Variants in CRELD1 observed in about 807,000 individuals in gnomAD.
CRELD1 encodes protein disulfide isomerase CRELD1.
CRELD1 carries 42 observed loss-of-function variants against 58.2 expected under a neutral mutation model. The observed-to-expected ratio is 0.72, with a 90% CI of 0.56 to 0.93. The LOEUF (loss-of-function observed/expected upper bound fraction) is 0.93. Among genes scored for constraint, CRELD1 ranks in the 40% least tolerant of loss-of-function variants. The probability of loss-of-function intolerance (pLI) is 0.00; values close to 1 mark genes in which losing one functional copy is unlikely to be tolerated. For synonymous variants in CRELD1, 222 were observed against 202.0 expected (o/e 1.10, Z -0.84); for missense variants, 500 against 540.6 (o/e 0.92, Z 0.74).
intron 5 of CRELD1, among the ~76,000 whole-genome samples, chr3:9,940,076 C>CCAGGCGGA (rs2085313714): frequency 6.6e-6 from 1 of 150,608 alleles, no homozygotes; most frequent in South Asian, 2.3e-4. Flanking sequence ...ACAGGGCGGC[C>CCAGGCGGA]GGGCAGAGAC....
intron 10 of CRELD1, chr3:9,944,061 CCAGA>C (rs2085449894): frequency 5.0e-6 from 4 of 802,952 alleles, no homozygotes; most frequent in African/African-American, 1.7e-5. Context: ...GGATCCCAAT[CCAGA>C]CAGTCTGACC....
intron 1 of CRELD1, 42 bp from the exon 2 acceptor site, chr3:9,934,378 C>T: frequency 1.4e-6 from 2 of 1,463,384 alleles, no homozygotes; most frequent in Non-Finnish European, 1.9e-6. Context: ...CGCGTGGGGC[C>T]TGACTCCTTC....
In CRELD1 at chr3:9,941,722, G is replaced by A. The variant is rs188436004; in HGVS notation, c.733+516G>A. ...GGAGAAGGGCATGAACCTGGGAGGC[G>A]GAGCTTGCAGTGAGCCGAGATCGCA... On this transcript the variant is annotated intron_variant, in intron 7 of 10. Transcript: ENST00000452070. Among the ~76,000 whole-genome samples the A allele has an allele frequency of 2.8e-3, 418 of 148,428 alleles. 3 individuals are homozygous for A. Among genetic ancestry groups the A allele is most frequent in the African/African-American group, 9.9e-3 (398 of 40,096 alleles).
intron 3 of CRELD1, among the ~76,000 whole-genome samples, chr3:9,935,320 G>C (rs892283702): frequency 6.6e-6 from 1 of 152,178 alleles, no homozygotes; most frequent in African/African-American, 2.4e-5. Flanking sequence ...AGTGGAGTGA[G>C]CCAAGGGGAG....
At chr3:9,944,184 G>A in intron 10 of CRELD1, 181 bp from the exon 11 acceptor site, 1 of 793,442 alleles carries the variant, frequency 1.3e-6, no homozygotes, top group Non-Finnish European at 2.3e-6. Context: ...TTCCCATTTA[G>A]TGAGACAGGG....
At position 9,942,865 on chromosome 3, in the gene CRELD1, C is replaced by T. The variant is rs773958455; in HGVS notation, c.786C>T (p.Cys262=). The T allele has an allele frequency of 8.1e-6, 13 of 1,614,130 alleles. No homozygotes were observed. Among genetic ancestry groups the T allele is most frequent in the African/African-American group, 1.3e-5 (1 of 75,048 alleles). The stretch of plus-strand genomic sequence containing the variant: ...CCAACTGTGGAGCTGACCAATTCTG[C>T]GTGAACACTGAGGGCTCCTATGAGT... The part of the protein sequence containing the change: ...EGANCGADQF[C]VNTEGSYECR... The change falls in exon 8 of 11, where the codon TGC becomes TGT. Residue 262 remains cysteine, a synonymous_variant. Coordinates refer to ENST00000452070, the MANE Select transcript of CRELD1 (RefSeq NM_001077415.3).
Position 9,938,280 on chromosome 3 carries a change from G to T in CRELD1, c.460+174G>T. On this transcript the variant is annotated intron_variant, in intron 5 of 10. Transcript: ENST00000452070. ...GAGATGGGCAAATCAGTGGGGAAAG[G>T]CTTGGAGAAAGCACAGGGGCTAGAC... The T allele has an allele frequency of 4.6e-6, 3 of 646,582 alleles. No individual in the cohort carries two copies. The South Asian group carries it at 5.1e-5, about 11-fold the overall frequency. 40.1% of individuals were successfully genotyped at this position (646,582 alleles called of 1,614,324 possible). A position where few individuals can be genotyped will look rare whatever the true frequency, so the allele number is the denominator to read the frequency against.
intron 10 of CRELD1, 148 bp from the exon 11 acceptor site, chr3:9,944,213 AGGGT>A: frequency 1.2e-6 from 1 of 807,122 alleles, no homozygotes; most frequent in Non-Finnish European, 2.2e-6. Flanking sequence ...TGCCCCTTGC[AGGGT>A]GGTTTTGAGC....
At position 9,945,181 on chromosome 3, in the gene CRELD1, G is replaced by GAATC. The variant is rs1368941760; in HGVS notation, c.*604_*607dup. The GAATC allele has an allele frequency of 5.8e-6, 1 of 171,888 alleles. No homozygotes were observed. The highest frequency in any genetic ancestry group is 1.3e-5 in the Non-Finnish European group (1 of 78,330). The allele number at this position is 171,888 out of a possible 1,614,324, so 10.6% of individuals were successfully genotyped here. A position where few individuals can be genotyped will look rare whatever the true frequency, so the allele number is the denominator to read the frequency against. On this transcript the variant is annotated 3_prime_UTR_variant, in exon 11 of 11. Transcript: ENST00000452070. ...TGCTGTTAGGAGAAGGAGGATAGAG[G>GAATC]AATCAGCCTTAGGAGGGTTCCATGC...
At chr3:9,939,140 A>T (rs928532653) in intron 5 of CRELD1, among the ~76,000 whole-genome samples, 1 of 144,780 alleles carries the variant, frequency 6.9e-6, no homozygotes, top group Non-Finnish European at 1.5e-5. Flanking sequence ...CCTGTCACTA[A>T]AAATAAATAA....
intron 5 of CRELD1, among the ~76,000 whole-genome samples, chr3:9,939,794 C>G (rs1245492923): frequency 2.0e-5 from 3 of 152,118 alleles, no homozygotes; most frequent in Non-Finnish European, 4.4e-5. Context: ...TCCCCCTTTT[C>G]TATTCCACAA....
At chr3:9,943,297 G>T in intron 9 of CRELD1, 84 bp from the exon 10 acceptor site, 2 of 1,603,548 alleles carry the variant, frequency 1.2e-6, no homozygotes, top group South Asian at 1.1e-5. Context: ...AAGGGCAGAG[G>T]GGAGTGTTGA....
chr3:9,943,359 C>T lies in CRELD1; in HGVS notation c.914-22C>T, dbSNP rs1033251868. On this transcript the variant is annotated intron_variant, in intron 9 of 10. Coordinates refer to ENST00000452070, the MANE Select transcript of CRELD1 (RefSeq NM_001077415.3). Reference sequence around the variant, plus strand: ...CTGGGTGGGGGGCCCTAGCAGGACTCTGACCCCTCCCTCCCCTCAAGATGT... The same window carrying T: ...CTGGGTGGGGGGCCCTAGCAGGACTTTGACCCCTCCCTCCCCTCAAGATGT... 3.1e-6 allele frequency: 5 copies of T among 1,613,720 alleles called. No homozygotes were observed. In the African/African-American group the frequency reaches 6.7e-5, roughly 22 times the overall value.
rs556782557 is a variant in CRELD1 at position 9,940,621 on chromosome 3, C to T, written c.461-229C>T. On this transcript the variant is annotated intron_variant, in intron 5 of 10. Coordinates refer to ENST00000452070, the MANE Select transcript of CRELD1 (RefSeq NM_001077415.3). ...GCAGTGAGCCGAGATGGCAGCAGTA[C>T]AGTCCAGCTTCAGCTTGGCATCAGA... 2.1e-5 allele frequency among the ~76,000 whole-genome samples: 3 copies of T among 143,088 alleles called. No homozygotes were observed. The Admixed American group carries it at 2.1e-4, about 10-fold the overall frequency. 93.9% of individuals were successfully genotyped at this position (143,088 alleles called of 152,430 possible). A position where few individuals can be genotyped will look rare whatever the true frequency, so the allele number is the denominator to read the frequency against.
At position 9,944,615 on chromosome 3, in the gene CRELD1, C is replaced by T. The variant is rs1395617460; in HGVS notation, c.*36C>T. 1 of 1,543,184 alleles carries T rather than the reference C, an allele frequency of 6.5e-7. No individual in the cohort carries two copies. The highest frequency in any genetic ancestry group is 8.7e-7 in the Non-Finnish European group (1 of 1,142,978). On this transcript the variant is annotated 3_prime_UTR_variant, in exon 11 of 11. Coordinates refer to ENST00000452070, the MANE Select transcript of CRELD1 (RefSeq NM_001077415.3). ...CACCTGTAGGACCTCCTCCCACCCA[C>T]GCTGCCCCCAGAGCTTGGGCTGCCC...
In CRELD1 at chr3:9,934,892, G is replaced by A; in HGVS notation, c.232G>A (p.Glu78Lys). ...FGGGNTAWEEENLSKYKDSET... is the reference protein window; with the variant it reads ...FGGGNTAWEEKNLSKYKDSET... ...AGGTGGAAACACTGCCTGGGAGGAA[G>A]AGAATTTGTCCAAATACAAAGACAG... Residue 78 changes from glutamate (E) to lysine (K), a missense_variant, in exon 3 of 11, where the codon GAG becomes AAG. By Grantham distance (56) the Glu-to-Lys change is moderately conservative (BLOSUM62 1). Transcript: ENST00000452070. The A allele has an allele frequency of 6.8e-6, 11 of 1,612,792 alleles. No individual in the cohort carries two copies. Among genetic ancestry groups the A allele is most frequent in the Non-Finnish European group, 9.3e-6 (11 of 1,179,486 alleles).
intron 7 of CRELD1, 38 bp from the exon 8 acceptor site, chr3:9,942,775 T>C: frequency 1.3e-6 from 2 of 1,538,072 alleles, no homozygotes; most frequent in Non-Finnish European, 1.8e-6. Flanking sequence ...CCCTACTAAA[T>C]AGGGATTGAA....
chr3:9,940,167 G>A (rs1339527312), intron 5 of CRELD1, among the ~76,000 whole-genome samples: 1 of 151,434 alleles, frequency 6.6e-6, no homozygotes, highest in Admixed American at 6.6e-5. Flanking sequence ...GGGCAGAGAC[G>A]CTCCTCACTT....
At chr3:9,940,112 C>T (rs544829175) in intron 5 of CRELD1, among the ~76,000 whole-genome samples, 380 of 150,052 alleles carry the variant, frequency 2.5e-3, no homozygotes, top group African/African-American at 9.1e-3. Flanking sequence ...GACGGGGTCG[C>T]GGCCGGGCAG....
Sources: gnomAD v4.1 joint callset for allele counts (sites outside exome capture counted in the v4.1 genomes callset) on GRCh38, gnomAD v4.1.1 for gene constraint, MANE v1.5 for transcripts, NCBI Gene and HGNC (gene_info 2026-07-23, HGNC 2026-07-21) for gene names.